The following GGH variants were observed in gnomAD, a reference collection of about 807,000 sequenced individuals.
The protein encoded by GGH is gamma-Glu-X carboxypeptidase.
A neutral mutation model predicts 39.2 loss-of-function variants in GGH; 18 were observed. That is an observed-to-expected ratio of 0.46 (90% confidence interval 0.32 to 0.68). The LOEUF is 0.68. Among genes scored for constraint, GGH ranks in the 30% least tolerant of loss-of-function variants. The pLI, the probability that GGH is intolerant of heterozygous loss-of-function variation, is 0.04. For missense variants in GGH, 367 were observed against 384.1 expected, an observed-to-expected ratio of 0.96 and a Z score of 0.37; for synonymous variants, 147 against 138.8, an observed-to-expected ratio of 1.06 and a Z score of -0.42.
intron 8 of GGH, 28 bp downstream of exon 8, chr8:63,017,465 A>G: frequency 6.4e-7 from 1 of 1,560,244 alleles, no homozygotes; most frequent in Non-Finnish European, 8.7e-7. Flanking sequence ...CTACCCCAGA[A>G]TAACAAAATT....
chr8:63,016,638 T>C (rs1585664363), intron 8 of GGH, among the ~76,000 whole-genome samples: 2 of 152,368 alleles, frequency 1.3e-5, no homozygotes, highest in South Asian at 2.1e-4. Flanking sequence ...AACCAATTTT[T>C]TTCTAACAAT....
Position 63,015,102 on chromosome 8 carries a change from T to C in GGH, c.*230A>G, listed in dbSNP as rs1055908998. 6.0e-5 allele frequency: 18 copies of C among 299,212 alleles called. No homozygotes were observed. Among genetic ancestry groups the C allele is most frequent in the Admixed American group, 5.0e-4 (10 of 19,932 alleles). 18.5% of individuals were successfully genotyped at this position (299,212 alleles called of 1,614,324 possible). A position where few individuals can be genotyped will look rare whatever the true frequency, so the allele number is the denominator to read the frequency against. ...TATTTGTATTTCAGTAAATTTATTT[T>C]TTTCAATCTTCAGATATAAGAAGGC... On this transcript the variant is annotated 3_prime_UTR_variant, in exon 9 of 9. Transcript: ENST00000260118.
chr8:63,036,462 G>T (rs1201594004), intron 1 of GGH, among the ~76,000 whole-genome samples: 4 of 152,176 alleles, frequency 2.6e-5, no homozygotes, highest in Non-Finnish European at 2.9e-5. Context: ...TAATTCGAGG[G>T]TGTAGCAGGG....
At chr8:63,029,558 C>G (rs964805149) in intron 3 of GGH, among the ~76,000 whole-genome samples, 2 of 152,046 alleles carry the variant, frequency 1.3e-5, no homozygotes, top group East Asian at 1.9e-4. Context: ...GTTCCCAGGT[C>G]AAAGGGTATA....
intron 3 of GGH, 94 bp downstream of exon 3, chr8:63,030,073 T>C (rs1804774940): frequency 3.1e-6 from 2 of 653,796 alleles, no homozygotes; most frequent in South Asian, 4.4e-5. Flanking sequence ...GACAGTTACA[T>C]AGAAACATGT....
chr8:63,022,810 C>T (rs1415894854), intron 7 of GGH, among the ~76,000 whole-genome samples: 1 of 152,112 alleles, frequency 6.6e-6, no homozygotes, highest in Non-Finnish European at 1.5e-5. Context: ...AGGCATGAGC[C>T]ACCACACCTG....
At chr8:63,036,327 C>T (rs1178380745) in intron 1 of GGH, among the ~76,000 whole-genome samples, 1 of 152,178 alleles carries the variant, frequency 6.6e-6, no homozygotes, top group Non-Finnish European at 1.5e-5. Flanking sequence ...GATCATATCA[C>T]CATTCCTATT....
At chr8:63,035,863 A>G in intron 1 of GGH, 93 bp from the exon 2 acceptor site, 1 of 1,121,830 alleles carries the variant, frequency 8.9e-7, no homozygotes, top group Middle Eastern at 2.9e-4. Context: ...ATATTTTATT[A>G]TTTCAATCCA....
chr8:63,034,343 C>T (rs183001029), intron 2 of GGH, among the ~76,000 whole-genome samples: 1 of 151,914 alleles, frequency 6.6e-6, no homozygotes, highest in African/African-American at 2.4e-5. Context: ...TAAATCTAAA[C>T]CTAAAGCCAT....
chr8:63,037,605 G>C (rs996904439), intron 1 of GGH, among the ~76,000 whole-genome samples: 1 of 152,128 alleles, frequency 6.6e-6, no homozygotes, highest in Non-Finnish European at 1.5e-5. Context: ...CTCAGTTAAC[G>C]ATGTTGTGCT....
At chr8:63,015,952 T>C (rs1318856918) in intron 8 of GGH, among the ~76,000 whole-genome samples, 1 of 152,110 alleles carries the variant, frequency 6.6e-6, no homozygotes, top group African/African-American at 2.4e-5. Context: ...GTTTTTATGG[T>C]ATATGGTGTA....
chr8:63,031,072 T>C (rs1432496634), intron 2 of GGH, among the ~76,000 whole-genome samples: 1 of 152,230 alleles, frequency 6.6e-6, no homozygotes, highest in Non-Finnish European at 1.5e-5. Context: ...AAATGGTACC[T>C]GTCCTCTCAA....
intron 5 of GGH, chr8:63,024,817 C>T (rs886367011): frequency 6.6e-6 from 1 of 152,222 alleles, no homozygotes; most frequent in Non-Finnish European, 1.5e-5. Context: ...CTAGAGACTT[C>T]CATGAAAACC....
In GGH at chr8:63,038,678, C is replaced by T. The variant is rs11545077; in HGVS notation, c.91G>A (p.Ala31Thr). The T allele has an allele frequency of 0.25, 374,003 of 1,524,058 alleles. 47,827 individuals carry two copies. Among genetic ancestry groups the T allele is most frequent in the Non-Finnish European group, 0.26 (292,212 of 1,124,896 alleles). The allele number at this position is 1,524,058 out of a possible 1,614,324, so 94.4% of individuals were successfully genotyped here. A position where few individuals can be genotyped will look rare whatever the true frequency, so the allele number is the denominator to read the frequency against. ...TCCTTACCGATGATGGGCTTCTTGG[C>T]GGTGTCGCCGTGGGGTCTAGACAGC... The part of the protein sequence containing the change: ...LELSRPHGDT[A>T]KKPIIGILMQ... The change falls in exon 1 of 9, where the codon GCC becomes ACC. Residue 31 changes from alanine to threonine, a missense_variant. Physicochemically the swap from Ala to Thr is moderately conservative, Grantham distance 58. Transcript: ENST00000260118.
intron 8 of GGH, 167 bp downstream of exon 8, chr8:63,017,326 C>T (rs1124409): frequency 1.9e-6 from 1 of 513,264 alleles, no homozygotes; most frequent in Non-Finnish European, 3.4e-6. Context: ...TACCTTACAT[C>T]TTGATTTTAG....
chr8:63,038,799 A>C lies in GGH; in HGVS notation c.-31T>G, dbSNP rs554238614. The stretch of plus-strand genomic sequence containing the variant: ...TCGCCGCCTCCCGCCGCCTTTCAAA[A>C]GCTCTGCGGGCGGGCGGGGGCTGCG... On this transcript the variant is annotated 5_prime_UTR_variant, in exon 1 of 9. Coordinates refer to ENST00000260118, the MANE Select transcript of GGH (RefSeq NM_003878.3). The C allele has an allele frequency of 3.6e-6, 5 of 1,378,648 alleles. No individual in the cohort carries two copies. In the African/African-American group the frequency reaches 7.4e-5, roughly 20 times the overall value. 85.4% of individuals were successfully genotyped at this position (1,378,648 alleles called of 1,614,324 possible).
chr8:63,016,734 C>T lies in GGH; in HGVS notation c.835+759G>A, dbSNP rs1243192636. On this transcript the variant is annotated intron_variant, in intron 8 of 8. Transcript: ENST00000260118. ...TGCTTAAATCGTAGGACTTACTGTA[C>T]CTATAATGCTCAACTAAGAAATAGG... 9.2e-5 allele frequency among the ~76,000 whole-genome samples: 14 copies of T among 152,186 alleles called. 1 individual carries two copies. The highest frequency in any genetic ancestry group is 2.9e-5 in the Non-Finnish European group (2 of 68,042).
At chr8:63,036,482 A>G (rs781727640) in intron 1 of GGH, among the ~76,000 whole-genome samples, 15 of 152,168 alleles carry the variant, frequency 9.9e-5, no homozygotes, top group Non-Finnish European at 1.6e-4. Flanking sequence ...GAGGGGAAAG[A>G]GGACAAACAA....
intron 3 of GGH, chr8:63,028,149 A>T (rs1276168917): frequency 6.6e-6 from 1 of 152,054 alleles, no homozygotes; most frequent in Non-Finnish European, 1.5e-5. Context: ...ACTTGCCTGG[A>T]GAGACAAACA....
Sources: allele counts gnomAD v4.1 joint callset (sites outside exome capture counted in the v4.1 genomes callset), GRCh38; gene constraint gnomAD v4.1.1; transcripts MANE v1.5; gene names NCBI Gene and HGNC (gene_info 2026-07-23, HGNC 2026-07-21).